Variants in MAPK14 observed in about 807,000 individuals in gnomAD.
MAPK14 encodes the protein mitogen-activated protein kinase 14.
Under a neutral mutation model 49.6 loss-of-function variants are expected in MAPK14, and 16 were observed. The observed-to-expected ratio is 0.32, with a 90% CI of 0.22 to 0.49. MAPK14 has a LOEUF of 0.49. Ranked by LOEUF, MAPK14 falls within the 20% of genes least tolerant of loss-of-function variation. The probability of loss-of-function intolerance (pLI) is 0.99; values close to 1 mark genes in which losing one functional copy is unlikely to be tolerated. For missense variants in MAPK14, 200 were observed against 441.2 expected (o/e 0.45, Z 4.90); for synonymous variants, 142 against 158.0 (o/e 0.90, Z 0.76).
chr6:36,043,809 T>C (rs1381730783), intron 1 of MAPK14, among the ~76,000 whole-genome samples: 31 of 133,554 alleles, frequency 2.3e-4, no homozygotes, highest in African/African-American at 5.7e-4. Flanking sequence ...TCTTTCTTTT[T>C]TTTTTTTTTT....
intron 3 of MAPK14, among the ~76,000 whole-genome samples, chr6:36,062,691 T>G (rs1013996115): frequency 6.2e-5 from 9 of 145,822 alleles, no homozygotes; most frequent in East Asian, 2.0e-4. Flanking sequence ...GGAGTCTCGC[T>G]CTGTCACCCA....
chr6:36,093,838 A>G (rs918850092), intron 8 of MAPK14, among the ~76,000 whole-genome samples: 3 of 152,026 alleles, frequency 2.0e-5, no homozygotes, highest in Non-Finnish European at 4.4e-5. Context: ...TTTGATGCAT[A>G]TATTGTAAAG....
intron 1 of MAPK14, among the ~76,000 whole-genome samples, chr6:36,051,846 T>C (rs1332991857): frequency 1.3e-5 from 2 of 152,276 alleles, no homozygotes; most frequent in East Asian, 1.9e-4. Context: ...CTTAGAACAA[T>C]TTCTTGTATG....
chr6:36,090,330 CTT>C (rs1040914475), intron 8 of MAPK14, among the ~76,000 whole-genome samples: 1 of 146,140 alleles, frequency 6.8e-6, no homozygotes, highest in Admixed American at 6.9e-5. Flanking sequence ...AATACTCTTT[CTT>C]TTTTTTTTTG....
intron 2 of MAPK14, among the ~76,000 whole-genome samples, chr6:36,056,383 A>G (rs1287028070): frequency 6.6e-6 from 1 of 152,206 alleles, no homozygotes; most frequent in Non-Finnish European, 1.5e-5. Context: ...TATGAGGAAA[A>G]TGGGACTCAG....
intron 10 of MAPK14, among the ~76,000 whole-genome samples, chr6:36,104,764 C>T (rs1045094445): frequency 2.0e-5 from 3 of 152,158 alleles, no homozygotes; most frequent in Non-Finnish European, 4.4e-5. Context: ...CAGGGCAGTA[C>T]TCACTGACAC....
At chr6:36,087,026 C>T (rs998370620) in intron 8 of MAPK14, among the ~76,000 whole-genome samples, 3 of 152,180 alleles carry the variant, frequency 2.0e-5, no homozygotes, top group African/African-American at 7.2e-5. Context: ...ATCACATAAA[C>T]AGAACTAAAG....
At chr6:36,029,474 T>A (rs1361753190) in intron 1 of MAPK14, among the ~76,000 whole-genome samples, 1 of 152,266 alleles carries the variant, frequency 6.6e-6, no homozygotes, top group East Asian at 1.9e-4. Context: ...GCTACGGATC[T>A]TAAACTAAGT....
chr6:36,029,455 A>G (rs960775689), intron 1 of MAPK14, among the ~76,000 whole-genome samples: 2 of 152,194 alleles, frequency 1.3e-5, no homozygotes, highest in Non-Finnish European at 2.9e-5. Context: ...GATTTTCTAT[A>G]ATTTGAAAGC....
downstream of MAPK14, among the ~76,000 whole-genome samples, chr6:36,113,333 C>A (rs1412917061): frequency 2.3e-5 from 3 of 129,028 alleles, no homozygotes; most frequent in African/African-American, 9.6e-5. Flanking sequence ...CATAGTGAGA[C>A]CCTGTCTCAT....
intron 4 of MAPK14, 61 bp from the exon 5 acceptor site, chr6:36,073,630 T>G (rs1764398098): frequency 2.3e-6 from 3 of 1,326,584 alleles, no homozygotes; most frequent in East Asian, 2.3e-5. Context: ...GTGCAGCAAA[T>G]ATGTTATATA....
intron 8 of MAPK14, among the ~76,000 whole-genome samples, chr6:36,081,271 CT>C (rs1268778181): frequency 1.3e-5 from 2 of 151,980 alleles, no homozygotes; most frequent in African/African-American, 4.8e-5. Context: ...TAATTTACCC[CT>C]ATGTTTTCTA....
At chr6:36,041,606 G>A (rs851021) in intron 1 of MAPK14, among the ~76,000 whole-genome samples, 135,204 of 152,196 alleles carry the variant, frequency 0.89, 60,208 homozygotes, top group East Asian at 1. Context: ...CATGTTACAA[G>A]CTTGAATGGT....
rs1765840004 is a variant in MAPK14, at chr6:36,107,681, G to A, written c.1015+53G>A. On this transcript the variant is annotated intron_variant, in intron 11 of 11. Coordinates refer to ENST00000229794, the MANE Select transcript of MAPK14 (RefSeq NM_139012.3). This position sits in a 1 kb window ranked among gnomAD's most constrained non-coding sequence, Gnocchi z 4.3. ...TTGAACCACTAACCAAAAGCGGTGG[G>A]AAAAATAAAAACTGAATGGTCATAA... The A allele has an allele frequency of 7.2e-7, 1 of 1,382,310 alleles. No individual in the cohort carries two copies. Among genetic ancestry groups the A allele is most frequent in the South Asian group, 1.7e-5 (1 of 60,372 alleles). 85.6% of individuals were successfully genotyped at this position (1,382,310 alleles called of 1,614,324 possible).
chr6:36,096,174 T>C (rs1765438270), intron 9 of MAPK14, 108 bp downstream of exon 9: 1 of 737,926 alleles, frequency 1.4e-6, no homozygotes, highest in African/African-American at 1.7e-5. Flanking sequence ...ATGCCCTTTG[T>C]GTGCTGACTT....
In MAPK14 at chr6:36,110,660, G is replaced by C. The variant is rs1167550560; in HGVS notation, c.*2213G>C. 1.3e-5 allele frequency: 2 copies of C among 152,468 alleles called. No homozygotes were observed. The highest frequency in any genetic ancestry group is 1.5e-5 in the Non-Finnish European group (1 of 68,034). The allele number at this position is 152,468 out of a possible 1,614,324, so 9.4% of individuals were successfully genotyped here. A position where few individuals can be genotyped will look rare whatever the true frequency, so the allele number is the denominator to read the frequency against. ...AACAAAAGAGAGAATGAGGGAAATT[G>C]CTATTTTATTTGTATTCATGAACTT... On this transcript the variant is annotated 3_prime_UTR_variant, in exon 12 of 12. Transcript: ENST00000229794.
intron 1 of MAPK14, chr6:36,029,123 C>G (rs1312293673): frequency 6.6e-6 from 1 of 151,926 alleles, no homozygotes. Context: ...ATCTGTAAGG[C>G]GCCCTCAAGA....
chr6:36,093,240 T>A (rs1280206222), intron 8 of MAPK14, among the ~76,000 whole-genome samples: 1 of 152,060 alleles, frequency 6.6e-6, no homozygotes, highest in Non-Finnish European at 1.5e-5. Context: ...AAACTAGGCT[T>A]GATTCTTCAG....
rs1765944005 is a variant in MAPK14 at position 36,110,791 on chromosome 6, T to C, written c.*2344T>C. On this transcript the variant is annotated 3_prime_UTR_variant, in exon 12 of 12. Transcript: ENST00000229794. ...TTCTCAAGTTTATTATATTTTTCTC[T>C]TGTTTTTATTTAATGCACAATATGG... 1 of 152,250 alleles carries C rather than the reference T, an allele frequency of 6.6e-6. No individual in the cohort carries two copies. The allele number at this position is 152,250 out of a possible 1,614,324, so 9.4% of individuals were successfully genotyped here.
Sources: gnomAD v4.1 joint callset for allele counts (sites outside exome capture counted in the v4.1 genomes callset) on GRCh38, gnomAD v4.1.1 for gene constraint, Gnocchi (gnomAD v3.1) non-coding constraint, MANE v1.5 for transcripts, NCBI Gene and HGNC (gene_info 2026-07-23, HGNC 2026-07-21) for gene names.